Variants in DYRK3 observed in about 807,000 individuals in gnomAD.
DYRK3 encodes the protein dual specificity tyrosine-phosphorylation-regulated kinase 3.
A neutral mutation model predicts 40.8 loss-of-function variants in DYRK3; 30 were observed. The ratio of observed to expected loss-of-function variants is 0.74; its 90% CI spans 0.55 to 1.00. The LOEUF is 1.00. DYRK3 is among the 50% of genes least tolerant of loss of function. The pLI, the probability that DYRK3 is intolerant of heterozygous loss-of-function variation, is 0.00. For synonymous variants in DYRK3, 272 were observed against 260.7 expected (o/e 1.04, Z -0.42); for missense variants, 699 against 731.5 (o/e 0.96, Z 0.51).
rs1239806793 is a variant in DYRK3, at chr1:206,651,305, G to A, written c.*2340G>A. On this transcript the variant is annotated 3_prime_UTR_variant, in exon 3 of 3. Coordinates refer to ENST00000367109, the MANE Select transcript of DYRK3 (RefSeq NM_003582.4). ...TTGGTAGTCCAATGTCTGCTTCCCC[G>A]CATTAACCACATTGCGTAGGTTTGG... Among the ~76,000 whole-genome samples the A allele has an allele frequency of 6.6e-6, 1 of 152,134 alleles. No homozygotes were observed.
chr1:206,645,950 A>G (rs1671438836), intron 2 of DYRK3, among the ~76,000 whole-genome samples: 1 of 152,002 alleles, frequency 6.6e-6, no homozygotes, highest in African/African-American at 2.4e-5. Flanking sequence ...CCTGGGTTCA[A>G]GCAATTCTCC....
chr1:206,642,892 C>T (rs551933654), intron 2 of DYRK3, among the ~76,000 whole-genome samples: 196 of 151,544 alleles, frequency 1.3e-3, no homozygotes, highest in Admixed American at 2.1e-3. Context: ...ATGTAACCTG[C>T]GTGTGGTGCA....
rs374749877 is a variant in DYRK3 at position 206,651,533 on chromosome 1, C to T, written c.*2568C>T. Among the ~76,000 whole-genome samples the T allele has an allele frequency of 3.3e-5, 5 of 152,306 alleles. No individual in the cohort carries two copies. The highest frequency in any genetic ancestry group is 1.2e-4 in the African/African-American group (5 of 41,558). On this transcript the variant is annotated 3_prime_UTR_variant, in exon 3 of 3. Transcript: ENST00000367109. ...CATTGTAACTTAGGGTGTAAAAGCT[C>T]ATATCTACTCAAAAAACTCAAATCT...
In DYRK3 at chr1:206,653,478, T is replaced by G. The variant is rs1671682406; in HGVS notation, c.*4513T>G. Among the ~76,000 whole-genome samples the G allele has an allele frequency of 6.6e-6, 1 of 152,090 alleles. No individual in the cohort carries two copies. Among genetic ancestry groups the G allele is most frequent in the Non-Finnish European group, 1.5e-5 (1 of 68,018 alleles). ...TTAGAAAGTAAGCTTCAAATGGGAG[T>G]GTGTCTTCATATTGTTCTGAATTAA... On this transcript the variant is annotated 3_prime_UTR_variant, in exon 3 of 3. Coordinates refer to ENST00000367109, the MANE Select transcript of DYRK3 (RefSeq NM_003582.4).
At chr1:206,645,623 C>T (rs1671429546) in intron 2 of DYRK3, among the ~76,000 whole-genome samples, 1 of 151,958 alleles carries the variant, frequency 6.6e-6, no homozygotes. Context: ...AAGCGATTCT[C>T]CTGCCTCAGC....
chr1:206,649,016 C>A lies in DYRK3; in HGVS notation c.*51C>A. On this transcript the variant is annotated 3_prime_UTR_variant, in exon 3 of 3. Coordinates refer to ENST00000367109, the MANE Select transcript of DYRK3 (RefSeq NM_003582.4). ...ATATGTGTATATTTTTATGATCTTA[C>A]AAACCTGCAAATGGAAAAAATGCAA... is the stretch of plus-strand genomic sequence containing the variant. The A allele has an allele frequency of 6.7e-7, 1 of 1,494,890 alleles. No individual in the cohort carries two copies. The highest frequency in any genetic ancestry group is 8.9e-7 in the Non-Finnish European group (1 of 1,122,484). 92.6% of individuals were successfully genotyped at this position (1,494,890 alleles called of 1,614,324 possible). A position where few individuals can be genotyped will look rare whatever the true frequency, so the allele number is the denominator to read the frequency against.
rs201668436 is a variant in DYRK3, at chr1:206,648,717, C to T, written c.1519C>T (p.Pro507Ser). 6.2e-7 allele frequency: 1 copy of T among 1,613,802 alleles called. No homozygotes were observed. ...EFLKRCLHWD[P>S]SARLTPAQAL... ...CTTGAAAAGGTGTCTTCACTGGGAC[C>T]CCTCTGCCCGCTTGACCCCAGCTCA... Residue 507 changes from proline to serine, a missense_variant, in exon 3 of 3, where the codon CCC (proline) becomes TCC (serine). By Grantham distance (74) the Pro-to-Ser change is moderately conservative (BLOSUM62 -1). Coordinates refer to ENST00000367109, the MANE Select transcript of DYRK3 (RefSeq NM_003582.4).
intron 2 of DYRK3, 39 bp downstream of exon 2, chr1:206,637,800 T>A (rs782757059): frequency 6.5e-7 from 1 of 1,527,416 alleles, no homozygotes; most frequent in African/African-American, 1.4e-5. Flanking sequence ...TGAATTGTTT[T>A]GGAAAGGAGG....
At chr1:206,637,166 A>G (rs1671140438) in intron 1 of DYRK3, among the ~76,000 whole-genome samples, 1 of 152,220 alleles carries the variant, frequency 6.6e-6, no homozygotes, top group Non-Finnish European at 1.5e-5. Context: ...TCCCATTAAC[A>G]TGGGGAAGAC....
At chr1:206,637,852 C>A (rs1009745665) in intron 2 of DYRK3, 91 bp downstream of exon 2, 20 of 940,782 alleles carry the variant, frequency 2.1e-5, no homozygotes, top group Non-Finnish European at 8.0e-6. Flanking sequence ...GTATCACTGA[C>A]AACCAGACTT....
chr1:206,652,624 T>C lies in DYRK3; in HGVS notation c.*3659T>C, dbSNP rs1461881868. ...CCTGTCTTCTGCAGGCCAATTCAAG[T>C]TTGAGGAGAGTGGGCTGCTTAAAAA... On this transcript the variant is annotated 3_prime_UTR_variant, in exon 3 of 3. Transcript: ENST00000367109. 3.3e-5 allele frequency among the ~76,000 whole-genome samples: 5 copies of C among 152,118 alleles called. No homozygotes were observed. The highest frequency in any genetic ancestry group is 1.2e-4 in the African/African-American group (5 of 41,422).
chr1:206,635,897 A>C, intron 1 of DYRK3, 117 bp downstream of exon 1: 2 of 1,277,480 alleles, frequency 1.6e-6, no homozygotes, highest in Non-Finnish European at 2.0e-6. Context: ...GGACGAGGGC[A>C]GGGGTCTGAC....
chr1:206,638,201 A>G (rs1671171580), intron 2 of DYRK3, among the ~76,000 whole-genome samples: 1 of 151,666 alleles, frequency 6.6e-6, no homozygotes, highest in African/African-American at 2.4e-5. Flanking sequence ...ACCATTTTAT[A>G]GATAGATGAT....
Position 206,647,377 on chromosome 1 carries a change from C to T in DYRK3, c.190-11C>T, listed in dbSNP as rs571219986. 1.9e-6 allele frequency: 3 copies of T among 1,566,066 alleles called. No individual in the cohort carries two copies. Among genetic ancestry groups the T allele is most frequent in the Non-Finnish European group, 2.6e-6 (3 of 1,158,010 alleles). On this transcript the variant is annotated splice_polypyrimidine_tract_variant and intron_variant, in intron 2 of 2. Transcript: ENST00000367109. The stretch of plus-strand genomic sequence containing the variant: ...GTTTTTAATGACTTATATTCATTTT[C>T]TCTTTCATAGATGACCACTGAGCAG...
chr1:206,636,111 G>T (rs146131441), intron 1 of DYRK3: 676 of 1,376,074 alleles, frequency 4.9e-4, no homozygotes, highest in Non-Finnish European at 6.1e-4. Context: ...TTATTAAAGG[G>T]GGGGAGCCCG....
In DYRK3 at chr1:206,647,506, ATGGCATCAGTGAC is replaced by A. The variant is rs782486244; in HGVS notation, c.310_322del (p.Gly104LeufsTer17). On this transcript the variant is annotated frameshift_variant, in exon 3 of 3. Transcript: ENST00000367109. LOFTEE classifies it high-confidence loss of function. ...AGAAAATCCAATACTATTCAGTCAG[ATGGCATCAGTGAC>A]TCTGAAAAATGCTCTCCTACTGTTT... 6.2e-7 allele frequency: 1 copy of A among 1,614,174 alleles called. No homozygotes were observed. Among genetic ancestry groups the A allele is most frequent in the South Asian group, 1.1e-5 (1 of 91,076 alleles).
rs560019200 is a variant in DYRK3 at position 206,654,612 on chromosome 1, A to C, written c.*5647A>C. ...TACTTCCAGACCTGGCCTTCAGCCT[A>C]ATATGATTAGGGTGTTTTTCTGAGT... On this transcript the variant is annotated 3_prime_UTR_variant, in exon 3 of 3. Coordinates refer to ENST00000367109, the MANE Select transcript of DYRK3 (RefSeq NM_003582.4). Among the ~76,000 whole-genome samples, 1 of 152,218 alleles carries C rather than the reference A, an allele frequency of 6.6e-6. No homozygotes were observed. The highest frequency in any genetic ancestry group is 1.5e-5 in the Non-Finnish European group (1 of 68,044).
At chr1:206,645,526 T>G (rs2102339641) in intron 2 of DYRK3, among the ~76,000 whole-genome samples, 1 of 152,284 alleles carries the variant, frequency 6.6e-6, no homozygotes, top group African/African-American at 2.4e-5. Flanking sequence ...TTTATTTTAT[T>G]TTTTTGAGAC....
chr1:206,637,829 A>C, intron 2 of DYRK3, 68 bp downstream of exon 2: 18 of 1,268,042 alleles, frequency 1.4e-5, no homozygotes, highest in East Asian at 2.4e-5. Context: ...CTTAATGCTC[A>C]AGGTACACTT....
Sources: gnomAD v4.1 joint callset for allele counts (sites outside exome capture counted in the v4.1 genomes callset) on GRCh38, gnomAD v4.1.1 for gene constraint, MANE v1.5 for transcripts, NCBI Gene and HGNC (gene_info 2026-07-23, HGNC 2026-07-21) for gene names.